The following PKNOX2 variants were observed in gnomAD, a reference collection of about 807,000 sequenced individuals.
PKNOX2 encodes PBX/knotted 1 homeobox 2, also known as homeobox protein PKNOX2.
A neutral mutation model predicts 53.1 loss-of-function variants in PKNOX2; 14 were observed. The observed-to-expected ratio is 0.26, with a 90% confidence interval of 0.17 to 0.41. PKNOX2 has a LOEUF of 0.41. PKNOX2 is among the 10% of genes least tolerant of loss of function. The probability of loss-of-function intolerance (pLI) is 1.00; values close to 1 mark genes in which losing one functional copy is unlikely to be tolerated. For synonymous variants in PKNOX2, 257 were observed against 242.8 expected, an observed-to-expected ratio of 1.06 and a Z score of -0.54; for missense variants, 496 against 602.8, an observed-to-expected ratio of 0.82 and a Z score of 1.85.
chr11:125,387,634 C>T (rs1953740762), intron 6 of PKNOX2, among the ~76,000 whole-genome samples: 2 of 152,316 alleles, frequency 1.3e-5, no homozygotes, highest in South Asian at 2.1e-4. Flanking sequence ...CAGGCCTGAC[C>T]CAGGGATGTG....
intron 10 of PKNOX2, among the ~76,000 whole-genome samples, chr11:125,413,065 A>C (rs936356579): frequency 1.3e-5 from 2 of 152,200 alleles, no homozygotes; most frequent in Non-Finnish European, 2.9e-5. Flanking sequence ...GGAGCTCGGC[A>C]TCTCCCCAAA....
chr11:125,400,858 G>GTA (rs1954702117), intron 7 of PKNOX2, among the ~76,000 whole-genome samples: 1 of 152,118 alleles, frequency 6.6e-6, no homozygotes, highest in Non-Finnish European at 1.5e-5. Context: ...AGCAGAGACA[G>GTA]TATTTTACAT....
At chr11:125,295,775 C>T (rs555557377) in intron 2 of PKNOX2, among the ~76,000 whole-genome samples, 59 of 152,308 alleles carry the variant, frequency 3.9e-4, no homozygotes, top group African/African-American at 1.4e-3. Context: ...CCTGACCACC[C>T]ATAGCCTTTC....
chr11:125,311,555 A>G (rs1369025973), intron 2 of PKNOX2, among the ~76,000 whole-genome samples: 1 of 152,194 alleles, frequency 6.6e-6, no homozygotes, highest in East Asian at 1.9e-4. Flanking sequence ...AGAAAGAGAC[A>G]TGAAGGGAGG....
chr11:125,404,649 A>ACG (rs1954966442), intron 7 of PKNOX2, among the ~76,000 whole-genome samples: 3 of 151,658 alleles, frequency 2.0e-5, no homozygotes, highest in Admixed American at 6.6e-5. Context: ...CACACACACC[A>ACG]CCACACACAG....
chr11:125,206,526 T>C (rs1228911890), intron 1 of PKNOX2, among the ~76,000 whole-genome samples: 2 of 152,006 alleles, frequency 1.3e-5, no homozygotes, highest in African/African-American at 2.4e-5. Context: ...CTAAGGAGCG[T>C]AGAGTTCTTA....
chr11:125,200,591 GTTCCCAACCTCC>G (rs1413243192), intron 1 of PKNOX2, among the ~76,000 whole-genome samples: 1 of 152,120 alleles, frequency 6.6e-6, no homozygotes, highest in African/African-American at 2.4e-5. Context: ...CCTCCCGCCG[GTTCCCAACCTCC>G]CCCTGGCCCT....
In PKNOX2 at chr11:125,197,875, G is replaced by A. The variant is rs944814523; in HGVS notation, c.-201+33099G>A. Among the ~76,000 whole-genome samples, 19 of 152,254 alleles carry A rather than the reference G, an allele frequency of 1.2e-4. No homozygotes were observed. In the South Asian group the frequency reaches 2.7e-3, roughly 22 times the overall value. ...CTGCCCTTCACACAGACGTGCTGCC[G>A]TCACCTCTTTGGGCCACAACTGCAG... On this transcript the variant is annotated intron_variant, in intron 1 of 12. Transcript: ENST00000298282.
At chr11:125,345,703 CTT>C (rs573228487) in intron 3 of PKNOX2, among the ~76,000 whole-genome samples, 1 of 151,616 alleles carries the variant, frequency 6.6e-6, no homozygotes, top group Non-Finnish European at 1.5e-5. Flanking sequence ...ACCAGCAACA[CTT>C]TTTTTTTCCA....
intron 2 of PKNOX2, among the ~76,000 whole-genome samples, chr11:125,238,351 C>T (rs1329389523): frequency 6.6e-6 from 1 of 152,166 alleles, no homozygotes; most frequent in Admixed American, 6.5e-5. Flanking sequence ...TTATTGGGCA[C>T]TTACTACATG....
intron 2 of PKNOX2, among the ~76,000 whole-genome samples, chr11:125,254,319 G>T (rs1270563600): frequency 2.0e-5 from 3 of 152,250 alleles, no homozygotes; most frequent in Non-Finnish European, 2.9e-5. Flanking sequence ...GGGCGATGGG[G>T]TTCCTGGAGG....
intron 2 of PKNOX2, among the ~76,000 whole-genome samples, chr11:125,263,381 G>A (rs142430316): frequency 4.9e-3 from 744 of 152,186 alleles, no homozygotes; most frequent in African/African-American, 0.013. Flanking sequence ...ATCTGCTGGC[G>A]GGCCTAGTTT....
At chr11:125,284,188 A>C (rs946862441) in intron 2 of PKNOX2, among the ~76,000 whole-genome samples, 1 of 152,230 alleles carries the variant, frequency 6.6e-6, no homozygotes, top group African/African-American at 2.4e-5. Flanking sequence ...AGAGCTTTGT[A>C]GCAGCCATCC....
At chr11:125,383,187 C>T (rs1953372071) in intron 5 of PKNOX2, among the ~76,000 whole-genome samples, 1 of 152,142 alleles carries the variant, frequency 6.6e-6, no homozygotes, top group South Asian at 2.1e-4. Context: ...TGTTAGAATT[C>T]CAAGATGGAC....
chr11:125,271,918 G>A lies in PKNOX2; in HGVS notation c.-130+36803G>A, dbSNP rs541322560. ...CCACCCCCGTGACAGATGCATCATC[G>A]AGTCCCTTGGCTCTGTTAATAAAAC... On this transcript the variant is annotated intron_variant, in intron 2 of 12. Transcript: ENST00000298282. Among the ~76,000 whole-genome samples, 9 of 152,260 alleles carry A rather than the reference G, an allele frequency of 5.9e-5. No individual in the cohort carries two copies. In the East Asian group the frequency reaches 7.7e-4, roughly 13 times the overall value.
At chr11:125,316,115 A>G (rs2136037382) in intron 2 of PKNOX2, among the ~76,000 whole-genome samples, 1 of 152,308 alleles carries the variant, frequency 6.6e-6, no homozygotes, top group Non-Finnish European at 1.5e-5. Flanking sequence ...CATGGAGCCC[A>G]CGATGGTGTG....
At chr11:125,178,968 G>A (rs73615794) in intron 1 of PKNOX2, among the ~76,000 whole-genome samples, 5 of 152,014 alleles carry the variant, frequency 3.3e-5, no homozygotes, top group East Asian at 1.9e-4. Flanking sequence ...TAAAGTGCAC[G>A]GTGTGGTGTC....
chr11:125,385,980 C>T (rs1014773986), intron 6 of PKNOX2, among the ~76,000 whole-genome samples: 1 of 152,160 alleles, frequency 6.6e-6, no homozygotes, highest in Non-Finnish European at 1.5e-5. Context: ...TAGCACCCAC[C>T]CTTTTACAGT....
At chr11:125,364,135 C>T (rs1313172781) in intron 4 of PKNOX2, among the ~76,000 whole-genome samples, 1 of 152,224 alleles carries the variant, frequency 6.6e-6, no homozygotes, top group Non-Finnish European at 1.5e-5. Context: ...TCCCCATCCT[C>T]CTGGCCCCCA....
Sources: allele counts gnomAD v4.1 joint callset (sites outside exome capture counted in the v4.1 genomes callset), GRCh38; gene constraint gnomAD v4.1.1; transcripts MANE v1.5; gene names NCBI Gene and HGNC (gene_info 2026-07-23, HGNC 2026-07-21).